PRKG1: variants seen among roughly 807,000 people sequenced by gnomAD.
PRKG1 encodes cGMP-dependent protein kinase 1.
A neutral mutation model predicts 88.1 loss-of-function variants in PRKG1; 35 were observed. That is an observed-to-expected ratio of 0.40 (90% CI 0.30 to 0.53). The LOEUF (loss-of-function observed/expected upper bound fraction) is 0.53. PRKG1 is among the 20% of genes least tolerant of loss of function. The pLI is 0.59. For synonymous variants in PRKG1, 303 were observed against 292.5 expected, an observed-to-expected ratio of 1.04 and a Z score of -0.37; for missense variants, 540 against 839.8, an observed-to-expected ratio of 0.64 and a Z score of 4.41.
chr10:51,765,877 AC>A (rs1439480092), intron 3 of PRKG1, among the ~76,000 whole-genome samples: 1 of 147,822 alleles, frequency 6.8e-6, no homozygotes, highest in African/African-American at 2.5e-5. Flanking sequence ...TAAAAATATC[AC>A]AGGCAGGCTG....
At chr10:51,223,305 A>G (rs1363022509) in intron 2 of PRKG1, among the ~76,000 whole-genome samples, 1 of 152,188 alleles carries the variant, frequency 6.6e-6, no homozygotes, top group Non-Finnish European at 1.5e-5. Context: ...TATTATTTTA[A>G]TATCACAAGC....
intron 9 of PRKG1, among the ~76,000 whole-genome samples, chr10:52,205,360 G>A (rs576403182): frequency 3.0e-4 from 46 of 152,218 alleles, no homozygotes; most frequent in Admixed American, 1.5e-3. Flanking sequence ...AGAACCTGCC[G>A]ATATGTGATG....
intron 3 of PRKG1, among the ~76,000 whole-genome samples, chr10:51,563,528 A>G (rs1837524487): frequency 2.0e-5 from 3 of 152,056 alleles, no homozygotes; most frequent in African/African-American, 7.2e-5. Context: ...ACAGCTTGAG[A>G]TTTCACATTT....
At chr10:51,211,222 C>T (rs373961985) in intron 2 of PRKG1, among the ~76,000 whole-genome samples, 1,805 of 149,954 alleles carry the variant, frequency 0.012, 18 homozygotes, top group Middle Eastern at 0.045. Flanking sequence ...AACCACATGA[C>T]TATCTCAATA....
chr10:51,526,124 C>T (rs1040392788), intron 3 of PRKG1, among the ~76,000 whole-genome samples: 10 of 151,962 alleles, frequency 6.6e-5, no homozygotes, highest in Non-Finnish European at 1.2e-4. Context: ...CCAGTCACTT[C>T]GCTACTATTA....
intron 1 of PRKG1, among the ~76,000 whole-genome samples, chr10:51,058,405 C>T (rs748879757): frequency 3.9e-5 from 6 of 151,996 alleles, no homozygotes; most frequent in Non-Finnish European, 8.8e-5. Context: ...GTTTTAGCCT[C>T]ACAGCAAAAT....
chr10:51,402,521 G>A (rs866326930), intron 2 of PRKG1, among the ~76,000 whole-genome samples: 22 of 152,130 alleles, frequency 1.4e-4, no homozygotes, highest in African/African-American at 4.8e-4. Context: ...AATCAGCTAG[G>A]ACCCACAGTG....
chr10:52,138,236 A>G (rs564621974), intron 8 of PRKG1, among the ~76,000 whole-genome samples: 15 of 152,162 alleles, frequency 9.9e-5, no homozygotes, highest in African/African-American at 3.1e-4. Context: ...TCTTTAATCC[A>G]GCAAGTAAGG....
intron 4 of PRKG1, among the ~76,000 whole-genome samples, chr10:51,873,974 C>T (rs1371690528): frequency 1.3e-5 from 2 of 152,140 alleles, no homozygotes. Context: ...AAATTTACCA[C>T]CATTTTGAAG....
chr10:51,294,718 C>T (rs1840673312), intron 2 of PRKG1, among the ~76,000 whole-genome samples: 1 of 152,006 alleles, frequency 6.6e-6, no homozygotes, highest in Non-Finnish European at 1.5e-5. Flanking sequence ...ATTATTATAG[C>T]TTTGTAAGAT....
intron 1 of PRKG1, among the ~76,000 whole-genome samples, chr10:50,997,453 G>A (rs1334281838): frequency 7.3e-5 from 11 of 150,148 alleles, no homozygotes; most frequent in African/African-American, 1.9e-4. Flanking sequence ...AAAAGATGTC[G>A]TATCTTTTTC....
chr10:51,372,407 T>C (rs1842723558), intron 2 of PRKG1, among the ~76,000 whole-genome samples: 1 of 152,218 alleles, frequency 6.6e-6, no homozygotes, highest in African/African-American at 2.4e-5. Context: ...CTAATTCTAA[T>C]AGCTTCTATA....
At chr10:51,533,791 A>G (rs1842075463) in intron 3 of PRKG1, among the ~76,000 whole-genome samples, 1 of 152,202 alleles carries the variant, frequency 6.6e-6, no homozygotes, top group African/African-American at 2.4e-5. Flanking sequence ...TTTCACCAGG[A>G]GAGCTTCCAG....
At chr10:51,850,013 A>G (rs1840504513) in intron 4 of PRKG1, among the ~76,000 whole-genome samples, 2 of 152,140 alleles carry the variant, frequency 1.3e-5, no homozygotes, top group Non-Finnish European at 2.9e-5. Flanking sequence ...AATACCTCAC[A>G]GTGTACGCCA....
intron 7 of PRKG1, chr10:52,128,457 T>G (rs944514947): frequency 1.0e-6 from 1 of 985,284 alleles, no homozygotes; most frequent in Non-Finnish European, 1.2e-6. Flanking sequence ...ATTCCCTGTA[T>G]GGATTATTCA....
chr10:51,881,981 C>T (rs992938545), intron 4 of PRKG1, among the ~76,000 whole-genome samples: 1 of 152,128 alleles, frequency 6.6e-6, no homozygotes, highest in Non-Finnish European at 1.5e-5. Flanking sequence ...TGCTGATTCT[C>T]AGTCATAGTT....
At chr10:51,536,087 G>T (rs1842143648) in intron 3 of PRKG1, among the ~76,000 whole-genome samples, 3 of 152,062 alleles carry the variant, frequency 2.0e-5, no homozygotes. Flanking sequence ...TTTCCGATTT[G>T]TCCAGGTCAT....
intron 1 of PRKG1, among the ~76,000 whole-genome samples, chr10:51,035,270 T>C (rs1164709070): frequency 6.6e-6 from 1 of 152,218 alleles, no homozygotes; most frequent in Non-Finnish European, 1.5e-5. Flanking sequence ...TTATGTGAAA[T>C]ACATGCTGAA....
chr10:52,143,413 C>T (rs1837639324), intron 8 of PRKG1, among the ~76,000 whole-genome samples: 2 of 152,296 alleles, frequency 1.3e-5, no homozygotes, highest in South Asian at 4.1e-4. Flanking sequence ...CCTCACCTCT[C>T]CAGTGTGACA....
Sources: gnomAD v4.1 joint callset for allele counts (sites outside exome capture counted in the v4.1 genomes callset) on GRCh38, gnomAD v4.1.1 for gene constraint, MANE v1.5 for transcripts, NCBI Gene and HGNC (gene_info 2026-07-23, HGNC 2026-07-21) for gene names.